Variants in GALNT5 observed in about 807,000 individuals in gnomAD.
GALNT5 encodes the protein UDP-GalNAc:polypeptide N-acetylgalactosaminyltransferase 5.
GALNT5 carries 72 observed loss-of-function variants against 85.4 expected under a neutral mutation model. The observed-to-expected ratio is 0.84, with a 90% confidence interval of 0.70 to 1.03. GALNT5 has a LOEUF of 1.03. GALNT5 is among the 50% of genes least tolerant of loss of function. The pLI, the probability that GALNT5 is intolerant of heterozygous loss-of-function variation, is 0.00. For synonymous variants in GALNT5, 404 were observed against 397.0 expected, an observed-to-expected ratio of 1.02 and a Z score of -0.21; for missense variants, 1,137 against 1,135.5, an observed-to-expected ratio of 1.00 and a Z score of -0.02.
intron 1 of GALNT5, among the ~76,000 whole-genome samples, chr2:157,277,527 A>C (rs1395569609): frequency 1.3e-5 from 2 of 152,232 alleles, no homozygotes; most frequent in African/African-American, 4.8e-5. Flanking sequence ...ATATATATTT[A>C]GGATAGTTAG....
chr2:157,292,245 C>T (rs1299743024), intron 3 of GALNT5, among the ~76,000 whole-genome samples: 1 of 152,192 alleles, frequency 6.6e-6, no homozygotes, highest in Non-Finnish European at 1.5e-5. Context: ...CCTCTCCCCT[C>T]TCTGAATCAG....
At chr2:157,294,681 CTTTGTAT>C (rs1308490896) in intron 3 of GALNT5, among the ~76,000 whole-genome samples, 2 of 151,990 alleles carry the variant, frequency 1.3e-5, no homozygotes, top group Admixed American at 1.3e-4. Flanking sequence ...TAGGTAGAGC[CTTTGTAT>C]TACCTGTGGT....
intron 7 of GALNT5, 70 bp from the exon 8 acceptor site, chr2:157,305,679 T>G: frequency 2.3e-6 from 2 of 870,402 alleles, no homozygotes; most frequent in South Asian, 2.8e-5. Flanking sequence ...CTGTATTTTC[T>G]AAATGTGTCT....
At chr2:157,272,112 G>A (rs1399928363) in intron 1 of GALNT5, among the ~76,000 whole-genome samples, 5 of 152,070 alleles carry the variant, frequency 3.3e-5, no homozygotes, top group African/African-American at 7.2e-5. Flanking sequence ...ATTGTAAGGT[G>A]GGTTAATATA....
chr2:157,305,910 C>A, intron 8 of GALNT5, 81 bp downstream of exon 8: 2 of 776,522 alleles, frequency 2.6e-6, no homozygotes, highest in Non-Finnish European at 4.4e-6. Flanking sequence ...AGAAATTCAT[C>A]TTTGCCCAAC....
chr2:157,303,344 G>T (rs1683379816), intron 7 of GALNT5, among the ~76,000 whole-genome samples: 1 of 152,066 alleles, frequency 6.6e-6, no homozygotes, highest in South Asian at 2.1e-4. Context: ...GCTAATGAAA[G>T]AATCTCACCA....
intron 1 of GALNT5, among the ~76,000 whole-genome samples, chr2:157,280,004 G>A (rs898892318): frequency 2.0e-5 from 3 of 152,086 alleles, no homozygotes; most frequent in Admixed American, 6.6e-5. Context: ...CTCCATGTTC[G>A]TCAGGCTGGT....
Position 157,316,840 on chromosome 2 carries a change from C to T in GALNT5, c.*5492C>T, listed in dbSNP as rs891431655. Among the ~76,000 whole-genome samples the T allele has an allele frequency of 3.9e-5, 6 of 152,128 alleles. No homozygotes were observed. Among genetic ancestry groups the T allele is most frequent in the Middle Eastern group, 3.4e-3 (1 of 294 alleles). The stretch of plus-strand genomic sequence containing the variant: ...CAATAGTTATCATTTCAATTAGAGT[C>T]GCTTTGCAAGTTTATGTGAATCTTT... On this transcript the variant is annotated 3_prime_UTR_variant, in exon 10 of 10. Transcript: ENST00000259056.
Position 157,317,194 on chromosome 2 carries a change from A to ATT in GALNT5, c.*5847_*5848insTT, listed in dbSNP as rs1203725844. Among the ~76,000 whole-genome samples the ATT allele has an allele frequency of 8.3e-5, 11 of 132,826 alleles. No individual in the cohort carries two copies. The highest frequency in any genetic ancestry group is 2.3e-4 in the African/African-American group (7 of 29,964). The allele number at this position is 132,826 out of a possible 152,430, so 87.1% of individuals were successfully genotyped here. A position where few individuals can be genotyped will look rare whatever the true frequency, so the allele number is the denominator to read the frequency against. ...TGTGTGTATATATATATATATATAT[A>ATT]TATATTTTTTTTTTTGATGCTTTGA... On this transcript the variant is annotated 3_prime_UTR_variant, in exon 10 of 10. Coordinates refer to ENST00000259056, the MANE Select transcript of GALNT5 (RefSeq NM_014568.3).
chr2:157,298,745 G>C (rs1574031084), intron 5 of GALNT5: 1 of 152,322 alleles, frequency 6.6e-6, no homozygotes, highest in East Asian at 1.9e-4. Context: ...TCACTCTCAC[G>C]GCCTTCCTTC....
rs115974368 is a variant in GALNT5, at chr2:157,291,269, C to T, written c.1742-4394C>T. On this transcript the variant is annotated intron_variant, in intron 3 of 9. Transcript: ENST00000259056. ...TCATGACATGGCATTTGGCAAAATTCCTGACATTTCTATGAGCATTCTAAA... is the reference window on the plus strand; with the variant it reads ...TCATGACATGGCATTTGGCAAAATTTCTGACATTTCTATGAGCATTCTAAA... 7.1e-3 allele frequency among the ~76,000 whole-genome samples: 1,086 copies of T among 152,142 alleles called. 2 individuals carry two copies. The highest frequency in any genetic ancestry group is 0.022 in the South Asian group (104 of 4,818).
intron 1 of GALNT5, among the ~76,000 whole-genome samples, chr2:157,281,055 C>A (rs1230013474): frequency 6.6e-6 from 1 of 151,916 alleles, no homozygotes; most frequent in African/African-American, 2.4e-5. Context: ...TCAGGTATTT[C>A]TTTCTTTCTT....
chr2:157,291,601 T>C (rs1683099323), intron 3 of GALNT5, among the ~76,000 whole-genome samples: 1 of 151,562 alleles, frequency 6.6e-6, no homozygotes, highest in African/African-American at 2.4e-5. Flanking sequence ...CCCAAAATTT[T>C]TGGCACATTG....
Position 157,286,075 on chromosome 2 carries a change from G to A in GALNT5, c.1682G>A (p.Arg561His), listed in dbSNP as rs202106852. 2.8e-5 allele frequency: 45 copies of A among 1,610,262 alleles called. No homozygotes were observed. In the Middle Eastern group the frequency reaches 4.9e-4, roughly 18 times the overall value. ...MSQFPKVRILRLKERHGLIRA... is the reference protein window; with the variant it reads ...MSQFPKVRILHLKERHGLIRA... ...CAGTTTCCAAAAGTTCGGATTCTTCGCCTCAAAGAGAGACATGGCTTAATA... is the reference window on the plus strand; with the variant it reads ...CAGTTTCCAAAAGTTCGGATTCTTCACCTCAAAGAGAGACATGGCTTAATA... The change falls in exon 3 of 10, where the codon CGC (arginine) becomes CAC (histidine). Residue 561 changes from arginine to histidine, a missense_variant. Physicochemically the swap from Arg to His is conservative, Grantham distance 29. Coordinates refer to ENST00000259056, the MANE Select transcript of GALNT5 (RefSeq NM_014568.3).
At chr2:157,266,792 CCTTT>C (rs1344441958) in intron 1 of GALNT5, among the ~76,000 whole-genome samples, 2 of 152,210 alleles carry the variant, frequency 1.3e-5, no homozygotes, top group East Asian at 1.9e-4. Context: ...GCTTTTCCTT[CCTTT>C]GTTTCCTTAT....
Position 157,290,087 on chromosome 2 carries a change from G to GTA in GALNT5, c.1741+3978_1741+3979dup, listed in dbSNP as rs55861093. On this transcript the variant is annotated intron_variant, in intron 3 of 9. Transcript: ENST00000259056. ...AAATTCTGTCTCAAAAAAAAAAAAT[G>GTA]TATATATATATATATATATATATAT... Among the ~76,000 whole-genome samples the GTA allele has an allele frequency of 2.4e-3, 311 of 131,640 alleles. 5 individuals carry two copies. Among genetic ancestry groups the GTA allele is most frequent in the South Asian group, 8.1e-3 (36 of 4,458 alleles). 86.4% of individuals were successfully genotyped at this position (131,640 alleles called of 152,430 possible). A position where few individuals can be genotyped will look rare whatever the true frequency, so the allele number is the denominator to read the frequency against.
At position 157,311,423 on chromosome 2, in the gene GALNT5, C is replaced by T; in HGVS notation, c.*75C>T. 1.0e-6 allele frequency: 1 copy of T among 977,272 alleles called. No homozygotes were observed. Among genetic ancestry groups the T allele is most frequent in the South Asian group, 1.7e-5 (1 of 59,632 alleles). The allele number at this position is 977,272 out of a possible 1,614,324, so 60.5% of individuals were successfully genotyped here. A position where few individuals can be genotyped will look rare whatever the true frequency, so the allele number is the denominator to read the frequency against. On this transcript the variant is annotated 3_prime_UTR_variant, in exon 10 of 10. Coordinates refer to ENST00000259056, the MANE Select transcript of GALNT5 (RefSeq NM_014568.3). ...AACACTGAACTTGGAAACTATATTTCTCAGCGGTAGTTTAAATTTTCAATT... is the reference window on the plus strand; with the variant it reads ...AACACTGAACTTGGAAACTATATTTTTCAGCGGTAGTTTAAATTTTCAATT...
chr2:157,264,547 C>T (rs1186713668), intron 1 of GALNT5, among the ~76,000 whole-genome samples: 2 of 152,184 alleles, frequency 1.3e-5, no homozygotes, highest in Admixed American at 6.5e-5. Context: ...TAGCCCAGAG[C>T]CAGGACTGTC....
At chr2:157,267,910 C>T (rs1008465763) in intron 1 of GALNT5, among the ~76,000 whole-genome samples, 7 of 152,136 alleles carry the variant, frequency 4.6e-5, no homozygotes, top group Non-Finnish European at 8.8e-5. Context: ...TATCACTGTA[C>T]CTTCTTATCA....
Sources: gnomAD v4.1 joint callset for allele counts (sites outside exome capture counted in the v4.1 genomes callset) on GRCh38, gnomAD v4.1.1 for gene constraint, MANE v1.5 for transcripts, NCBI Gene and HGNC (gene_info 2026-07-23, HGNC 2026-07-21) for gene names.